NDUFS7: variants seen among roughly 807,000 people sequenced by gnomAD.
The protein encoded by NDUFS7 is NADH:ubiquinone oxidoreductase core subunit S7, also known as NADH dehydrogenase [ubiquinone] iron-sulfur protein 7, mitochondrial.
A neutral mutation model predicts 31.1 loss-of-function variants in NDUFS7; 11 were observed. The observed-to-expected ratio is 0.35, with a 90% CI of 0.22 to 0.59. The LOEUF is 0.59. Among genes scored for constraint, NDUFS7 ranks in the 20% least tolerant of loss-of-function variants. The pLI is 0.79. For synonymous variants in NDUFS7, 136 were observed against 127.9 expected (o/e 1.06, Z -0.43); for missense variants, 263 against 324.2 (o/e 0.81, Z 1.45).
chr19:1,383,924 A>G lies in NDUFS7; in HGVS notation c.-3A>G, dbSNP rs2082490375. On this transcript the variant is annotated 5_prime_UTR_variant, in exon 1 of 8. Transcript: ENST00000233627. ...CAGAGGTTGTCTGAAGGCCGAGGCC[A>G]AGATGGCGGTGCTGTCAGGTGAGCG... 2.5e-6 allele frequency: 4 copies of G among 1,581,358 alleles called. No homozygotes were observed. Among genetic ancestry groups the G allele is most frequent in the Non-Finnish European group, 3.4e-6 (4 of 1,164,864 alleles).
rs1180169020 is a variant in NDUFS7, at chr19:1,390,999, C to G, written c.357C>G (p.Val119=). Residue 119 remains valine, a synonymous_variant, in exon 5 of 8, where the codon GTC becomes GTG. Transcript: ENST00000233627. ...VFRASPRQSD[V]MIVAGTLTNK... Reference sequence around the variant, plus strand: ...GCGCCAGCCCGCGCCAGTCCGACGTCATGATCGTGGCCGGCACACTCACCA... The same window carrying G: ...GCGCCAGCCCGCGCCAGTCCGACGTGATGATCGTGGCCGGCACACTCACCA... The G allele has an allele frequency of 6.2e-7, 1 of 1,612,728 alleles. No individual in the cohort carries two copies. The highest frequency in any genetic ancestry group is 8.5e-7 in the Non-Finnish European group (1 of 1,179,686).
intron 4 of NDUFS7, chr19:1,389,229 A>G (rs1041828910): frequency 1.9e-5 from 13 of 670,518 alleles, no homozygotes; most frequent in Non-Finnish European, 3.0e-5. Flanking sequence ...ACACATGCAC[A>G]CTTGCACTCA....
chr19:1,389,710 C>T (rs1484133634), intron 4 of NDUFS7: 2 of 352,548 alleles, frequency 5.7e-6, no homozygotes, highest in Middle Eastern at 5.4e-4. Flanking sequence ...AGCGTGAGCA[C>T]GTGCAGCTCC....
intron 1 of NDUFS7, chr19:1,387,018 C>G (rs2082511492): frequency 1.3e-5 from 2 of 152,432 alleles, no homozygotes; most frequent in African/African-American, 4.8e-5. Context: ...TGGCCTTAGT[C>G]TTCGCCTCGG....
Position 1,393,528 on chromosome 19 carries a change from G to T in NDUFS7, c.544+198G>T. 3.0e-6 allele frequency: 2 copies of T among 677,292 alleles called. No individual in the cohort carries two copies. Among genetic ancestry groups the T allele is most frequent in the Non-Finnish European group, 5.4e-6 (2 of 369,512 alleles). 42.0% of individuals were successfully genotyped at this position (677,292 alleles called of 1,614,324 possible). On this transcript the variant is annotated intron_variant, in intron 7 of 7. Coordinates refer to ENST00000233627, the MANE Select transcript of NDUFS7 (RefSeq NM_024407.5). This position sits in a 1 kb window ranked among gnomAD's most constrained non-coding sequence, Gnocchi z 7.3. ...AAGTCGGCGATGTATTCAGGCATCA[G>T]AGGGATCAGAGGGAGCAGGGGAAGC...
intron 6 of NDUFS7, chr19:1,392,958 T>C: frequency 3.8e-6 from 2 of 522,044 alleles, no homozygotes; most frequent in South Asian, 4.1e-5. Flanking sequence ...TGTTGACACA[T>C]GTGATCTGAC....
At chr19:1,395,195 GGAGGACCCC>G in intron 7 of NDUFS7, 187 bp from the exon 8 acceptor site, 1 of 1,424,964 alleles carries the variant, frequency 7.0e-7, no homozygotes, top group Non-Finnish European at 9.2e-7. Flanking sequence ...CTTGCCCAGG[GGAGGACCCC>G]ACTCTTCCTG....
chr19:1,389,404 C>T (rs998397910), intron 4 of NDUFS7: 1 of 460,250 alleles, frequency 2.2e-6, no homozygotes, highest in African/African-American at 2.0e-5. Flanking sequence ...GGCACACTCA[C>T]TGATGCACAC....
intron 1 of NDUFS7, 107 bp from the exon 2 acceptor site, chr19:1,387,704 G>A: frequency 9.9e-7 from 1 of 1,008,688 alleles, no homozygotes; most frequent in Non-Finnish European, 1.5e-6. Flanking sequence ...CTCGAGTTGG[G>A]ATCAGAGCTA....
rs992485669 is a variant in NDUFS7 at position 1,393,652 on chromosome 19, G to T, written c.544+322G>T. The T allele has an allele frequency of 3.9e-5, 23 of 595,190 alleles. No individual in the cohort carries two copies. The highest frequency in any genetic ancestry group is 3.7e-4 in the African/African-American group (20 of 53,750). The allele number at this position is 595,190 out of a possible 1,614,324, so 36.9% of individuals were successfully genotyped here. On this transcript the variant is annotated intron_variant, in intron 7 of 7. Coordinates refer to ENST00000233627, the MANE Select transcript of NDUFS7 (RefSeq NM_024407.5). This position sits in a 1 kb window ranked among gnomAD's most constrained non-coding sequence, Gnocchi z 7.3. ...GCAGTTAGAAATACCAAGCGAGAAG[G>T]TTCCTGGGGGCCAAGGACACTGTCC... is the stretch of plus-strand genomic sequence containing the variant.
intron 4 of NDUFS7, chr19:1,389,907 C>CTT (rs531607907): frequency 2.2e-3 from 388 of 180,384 alleles, no homozygotes; most frequent in East Asian, 0.01. Context: ...CTTTTCTTTT[C>CTT]TTTTTTTTTT....
Position 1,393,226 on chromosome 19 carries a change from G to A in NDUFS7, c.456-16G>A, listed in dbSNP as rs370241999. ...CGGGTCTTCGGCACACTCCCCTCACGGTGCCTCCCCAACAGCTGCGCCAAC... is the reference window on the plus strand; with the variant it reads ...CGGGTCTTCGGCACACTCCCCTCACAGTGCCTCCCCAACAGCTGCGCCAAC... On this transcript the variant is annotated splice_polypyrimidine_tract_variant and intron_variant, in intron 6 of 7. Coordinates refer to ENST00000233627, the MANE Select transcript of NDUFS7 (RefSeq NM_024407.5). This position sits in a 1 kb window ranked among gnomAD's most constrained non-coding sequence, Gnocchi z 7.3. 595 of 1,549,472 alleles carry A rather than the reference G, an allele frequency of 3.8e-4. No individual in the cohort carries two copies. The highest frequency in any genetic ancestry group is 5.0e-4 in the Non-Finnish European group (574 of 1,147,468).
chr19:1,393,442 C>T lies in NDUFS7; in HGVS notation c.544+112C>T, dbSNP rs1297542452. On this transcript the variant is annotated intron_variant, in intron 7 of 7. Transcript: ENST00000233627. This position sits in a 1 kb window ranked among gnomAD's most constrained non-coding sequence, Gnocchi z 7.3. ...ACACCCCCAGCAGACGGCGGGCTCC[C>T]CCATCCTATGGATGGGCCGACTCGG... 2.2e-6 allele frequency: 2 copies of T among 898,308 alleles called. No individual in the cohort carries two copies. The highest frequency in any genetic ancestry group is 1.4e-5 in the South Asian group (1 of 71,332). 55.6% of individuals were successfully genotyped at this position (898,308 alleles called of 1,614,324 possible).
Position 1,388,844 on chromosome 19 carries a change from C to T in NDUFS7, c.134C>T (p.Ala45Val). The change falls in exon 4 of 8, where the codon GCC becomes GTC. Residue 45 changes from alanine to valine, a missense_variant. Transcript: ENST00000233627. Reference sequence around the variant, plus strand: ...TGTCTCTGTGCCAGCACCCAGCCTGCCCTGCCAAAGGCCAGAGCCGTGGCT... The same window carrying T: ...TGTCTCTGTGCCAGCACCCAGCCTGTCCTGCCAAAGGCCAGAGCCGTGGCT... The part of the protein sequence containing the change: ...ATDGPSSTQP[A>V]LPKARAVAPK... 6.3e-7 allele frequency: 1 copy of T among 1,599,184 alleles called. No homozygotes were observed. Among genetic ancestry groups the T allele is most frequent in the South Asian group, 1.1e-5 (1 of 88,634 alleles).
At position 1,390,940 on chromosome 19, in the gene NDUFS7, C is replaced by T. The variant is rs773874298; in HGVS notation, c.298C>T (p.Arg100Cys). 6.8e-6 allele frequency: 11 copies of T among 1,612,450 alleles called. No homozygotes were observed. Among genetic ancestry groups the T allele is most frequent in the Middle Eastern group, 1.6e-4 (1 of 6,084 alleles). The change falls in exon 5 of 8, where the codon CGC (arginine) becomes TGC (cysteine). Residue 100 changes from arginine (R) to cysteine (C), a missense_variant. Transcript: ENST00000233627. Reference protein sequence around the residue: ...AVEMMHMAAPRYDMDRFGVVF... With the variant: ...AVEMMHMAAPCYDMDRFGVVF... Reference sequence around the variant, plus strand: ...GGAGATGATGCACATGGCAGCACCCCGCTACGACATGGACCGCTTTGGCGT... The same window carrying T: ...GGAGATGATGCACATGGCAGCACCCTGCTACGACATGGACCGCTTTGGCGT...
Position 1,387,863 on chromosome 19 carries a change from T to C in NDUFS7, c.53+16T>C. On this transcript the variant is annotated intron_variant, in intron 2 of 7. Coordinates refer to ENST00000233627, the MANE Select transcript of NDUFS7 (RefSeq NM_024407.5). ...TTGGTCTGCGGTGAGTGCCTGAGTC[T>C]CCAGCCCTCAGCTGGGAGGGGCCTT... 1 of 1,473,930 alleles carries C rather than the reference T, an allele frequency of 6.8e-7. No homozygotes were observed. The allele number at this position is 1,473,930 out of a possible 1,614,324, so 91.3% of individuals were successfully genotyped here.
At chr19:1,383,983 C>T (rs781627994) in intron 1 of NDUFS7, 41 bp downstream of exon 1, 1 of 1,546,468 alleles carries the variant, frequency 6.5e-7, no homozygotes, top group Non-Finnish European at 8.7e-7. Context: ...CCGCGCGGGT[C>T]TGGGGCCGTG....
At chr19:1,387,698 A>T (rs186501527) in intron 1 of NDUFS7, 113 bp from the exon 2 acceptor site, 24 of 927,524 alleles carry the variant, frequency 2.6e-5, no homozygotes, top group East Asian at 2.4e-4. Context: ...GTGGCACTCG[A>T]GTTGGGATCA....
intron 4 of NDUFS7, chr19:1,389,755 G>T (rs991771852): frequency 2.6e-5 from 9 of 341,634 alleles, no homozygotes; most frequent in African/African-American, 1.3e-4. Flanking sequence ...CGACAGCCCG[G>T]GTTCAACAAT....
Sources: allele counts gnomAD v4.1 joint callset, GRCh38; gene constraint gnomAD v4.1.1; non-coding constraint Gnocchi (gnomAD v3.1); transcripts MANE v1.5; gene names NCBI Gene and HGNC (gene_info 2026-07-23, HGNC 2026-07-21).